Variants in MACROD2 observed in about 807,000 individuals in gnomAD.
MACROD2 encodes ADP-ribose glycohydrolase MACROD2.
In MACROD2, 36 loss-of-function variants were observed where a neutral mutation model predicts 70.4. That is an observed-to-expected ratio of 0.51 (90% CI 0.39 to 0.68). The LOEUF (loss-of-function observed/expected upper bound fraction) is 0.68, where lower values mean the gene tolerates loss of function less well. MACROD2 is among the 30% of genes least tolerant of loss of function. The pLI is 0.00. For missense variants in MACROD2, 496 were observed against 538.4 expected, an observed-to-expected ratio of 0.92 and a Z score of 0.78; for synonymous variants, 172 against 178.8, an observed-to-expected ratio of 0.96 and a Z score of 0.30.
At chr20:15,961,412 T>G (rs1342810862) in intron 12 of MACROD2, among the ~76,000 whole-genome samples, 1 of 152,116 alleles carries the variant, frequency 6.6e-6, no homozygotes, top group East Asian at 1.9e-4. Context: ...GCCAACAAGG[T>G]AGGTTATATC....
intron 1 of MACROD2, among the ~76,000 whole-genome samples, chr20:13,999,162 C>T (rs972739130): frequency 1.3e-5 from 2 of 151,950 alleles, no homozygotes; most frequent in Admixed American, 6.6e-5. Flanking sequence ...GTTCTTGCAC[C>T]ATCATGTATT....
At chr20:14,637,608 G>A (rs1372527350) in intron 4 of MACROD2, among the ~76,000 whole-genome samples, 2 of 151,866 alleles carry the variant, frequency 1.3e-5, no homozygotes. Flanking sequence ...TCTTCGTTAC[G>A]ATTTGCCAAT....
At chr20:14,528,497 C>A (rs6033975) in intron 4 of MACROD2, among the ~76,000 whole-genome samples, 134,944 of 152,082 alleles carry the variant, frequency 0.89, 60,054 homozygotes, top group East Asian at 1. Context: ...TTCCTGATCT[C>A]GCCACTGCCA....
intron 6 of MACROD2, among the ~76,000 whole-genome samples, chr20:15,430,803 CA>C (rs1280330662): frequency 6.6e-6 from 1 of 151,836 alleles, no homozygotes; most frequent in East Asian, 1.9e-4. Flanking sequence ...CTTTATTATA[CA>C]TTCTAAATAG....
intron 5 of MACROD2, among the ~76,000 whole-genome samples, chr20:15,188,549 G>A (rs767907635): frequency 2.8e-4 from 43 of 152,250 alleles, no homozygotes; most frequent in Admixed American, 5.9e-4. Flanking sequence ...GTGAAAGCCC[G>A]TATTCTTCTC....
chr20:15,038,977 G>A (rs2075334652), intron 5 of MACROD2, among the ~76,000 whole-genome samples: 2 of 152,306 alleles, frequency 1.3e-5, no homozygotes, highest in South Asian at 4.1e-4. Flanking sequence ...GCAAGCCACT[G>A]TCAGGGCAAA....
chr20:15,550,980 G>A (rs1397789457), intron 8 of MACROD2, among the ~76,000 whole-genome samples: 1 of 152,134 alleles, frequency 6.6e-6, no homozygotes, highest in Non-Finnish European at 1.5e-5. Flanking sequence ...GTTTTATCCA[G>A]CGTGCCTGCA....
At chr20:15,556,268 C>T (rs1370506006) in intron 8 of MACROD2, among the ~76,000 whole-genome samples, 2 of 152,108 alleles carry the variant, frequency 1.3e-5, no homozygotes, top group Admixed American at 6.5e-5. Context: ...GTGAGAGGCT[C>T]GTTCATTTAT....
chr20:14,996,844 G>A (rs770158793), intron 5 of MACROD2, among the ~76,000 whole-genome samples: 2 of 151,960 alleles, frequency 1.3e-5, no homozygotes, highest in South Asian at 2.1e-4. Flanking sequence ...ACCAGCAGGC[G>A]GGTTTGAGCT....
At chr20:14,301,743 T>A (rs926728895) in intron 3 of MACROD2, among the ~76,000 whole-genome samples, 2 of 152,214 alleles carry the variant, frequency 1.3e-5, no homozygotes, top group African/African-American at 2.4e-5. Context: ...ACATTTTTTT[T>A]AACTAAAATG....
intron 8 of MACROD2, among the ~76,000 whole-genome samples, chr20:15,698,133 G>A (rs886804919): frequency 1.3e-5 from 2 of 151,928 alleles, no homozygotes; most frequent in African/African-American, 2.4e-5. Context: ...TTTGTTTTTT[G>A]TTTTTGCTTG....
chr20:14,206,461 A>G (rs1601347330), intron 3 of MACROD2, among the ~76,000 whole-genome samples: 1 of 152,338 alleles, frequency 6.6e-6, no homozygotes, highest in East Asian at 1.9e-4. Flanking sequence ...TTGAGCATCA[A>G]GCTTGGACCA....
At position 15,413,078 on chromosome 20, in the gene MACROD2, C is replaced by T. The variant is rs556470704; in HGVS notation, c.541-18327C>T. Reference sequence around the variant, plus strand: ...AGTATCTTTCCTTGCTTTAATTTAGCGAAAATACTTGCATTTTTCTTCTGC... The same window carrying T: ...AGTATCTTTCCTTGCTTTAATTTAGTGAAAATACTTGCATTTTTCTTCTGC... On this transcript the variant is annotated intron_variant, in intron 6 of 17. Transcript: ENST00000684519. 7.7e-4 allele frequency among the ~76,000 whole-genome samples: 117 copies of T among 152,248 alleles called. 1 individual carries two copies. The highest frequency in any genetic ancestry group is 2.6e-3 in the African/African-American group (109 of 41,546).
At chr20:15,927,768 T>A (rs1384596080) in intron 10 of MACROD2, among the ~76,000 whole-genome samples, 2 of 152,148 alleles carry the variant, frequency 1.3e-5, no homozygotes, top group African/African-American at 4.8e-5. Context: ...TTAAAATAGA[T>A]CAATCAGCTA....
chr20:15,812,098 T>G (rs953535686), intron 8 of MACROD2, among the ~76,000 whole-genome samples: 2 of 152,238 alleles, frequency 1.3e-5, no homozygotes, highest in Non-Finnish European at 2.9e-5. Flanking sequence ...ATGCTTTGCA[T>G]GTCAGCTTGC....
rs11905380 is a variant in MACROD2, at chr20:15,073,510, C to T, written c.419-156430C>T. On this transcript the variant is annotated intron_variant, in intron 5 of 17. Transcript: ENST00000684519. Reference sequence around the variant, plus strand: ...ACACACACACACACACACACACACACGTACCACATTTCTTTTCAGTAGCTT... The same window carrying T: ...ACACACACACACACACACACACACATGTACCACATTTCTTTTCAGTAGCTT... 5.7e-4 allele frequency among the ~76,000 whole-genome samples: 83 copies of T among 145,224 alleles called. 1 individual carries two copies. The highest frequency in any genetic ancestry group is 2.0e-3 in the African/African-American group (76 of 38,530).
At chr20:15,261,260 A>G (rs536871476) in intron 6 of MACROD2, among the ~76,000 whole-genome samples, 2 of 152,108 alleles carry the variant, frequency 1.3e-5, no homozygotes, top group East Asian at 1.9e-4. Flanking sequence ...GCCCACGTCA[A>G]ACATGCCCAA....
chr20:14,420,580 T>C (rs964913830), intron 3 of MACROD2, among the ~76,000 whole-genome samples: 13 of 152,170 alleles, frequency 8.5e-5, no homozygotes, highest in African/African-American at 3.1e-4. Flanking sequence ...TGTTTTTCAT[T>C]GCCATTATTG....
At chr20:14,516,216 A>T (rs2085098469) in intron 4 of MACROD2, among the ~76,000 whole-genome samples, 1 of 151,798 alleles carries the variant, frequency 6.6e-6, no homozygotes, top group Non-Finnish European at 1.5e-5. Flanking sequence ...TAATAATACT[A>T]TTATTTTATC....
Sources: allele counts gnomAD v4.1 joint callset (sites outside exome capture counted in the v4.1 genomes callset), GRCh38; gene constraint gnomAD v4.1.1; transcripts MANE v1.5; gene names NCBI Gene and HGNC (gene_info 2026-07-23, HGNC 2026-07-21).